BANK1: variants seen among roughly 807,000 people sequenced by gnomAD.
The protein encoded by BANK1 is B-cell scaffold protein with ankyrin repeats.
Under a neutral mutation model 94.5 loss-of-function variants are expected in BANK1, and 95 were observed. The observed-to-expected ratio is 1.00, with a 90% confidence interval of 0.85 to 1.19. The LOEUF (loss-of-function observed/expected upper bound fraction) is 1.19. Ranked by LOEUF, BANK1 falls within the 50% of genes most tolerant of loss-of-function variation. BANK1 has a pLI of 0.00. For missense variants in BANK1, 987 were observed against 932.2 expected, an observed-to-expected ratio of 1.06 and a Z score of -0.77; for synonymous variants, 334 against 308.4, an observed-to-expected ratio of 1.08 and a Z score of -0.87.
At chr4:101,884,315 G>T (rs574477927) in intron 5 of BANK1, among the ~76,000 whole-genome samples, 1 of 152,178 alleles carries the variant, frequency 6.6e-6, no homozygotes, top group Admixed American at 6.5e-5. Flanking sequence ...GTTTTCAGCA[G>T]CAATTAACAC....
intron 7 of BANK1, among the ~76,000 whole-genome samples, chr4:101,978,674 C>T (rs540215590): frequency 6.6e-6 from 1 of 151,772 alleles, no homozygotes; most frequent in Non-Finnish European, 1.5e-5. Flanking sequence ...CGTAATTTGT[C>T]ATAGTTTCTT....
intron 7 of BANK1, among the ~76,000 whole-genome samples, chr4:101,984,181 G>A (rs1418761540): frequency 6.6e-6 from 1 of 151,718 alleles, no homozygotes; most frequent in Non-Finnish European, 1.5e-5. Context: ...ACTTCCAAAA[G>A]GACATAAAAG....
At chr4:102,058,259 A>G (rs931285995) in intron 11 of BANK1, among the ~76,000 whole-genome samples, 1 of 152,098 alleles carries the variant, frequency 6.6e-6, no homozygotes, top group East Asian at 1.9e-4. Flanking sequence ...GGGTTGGTTG[A>G]TGTTTATATG....
intron 13 of BANK1, 130 bp downstream of exon 13, chr4:102,063,268 G>T (rs1728485209): frequency 6.8e-6 from 5 of 738,616 alleles, no homozygotes; most frequent in Non-Finnish European, 1.1e-5. Context: ...CCTGGAGAGG[G>T]TCTTAATCTC....
chr4:102,030,962 G>A (rs983369219), intron 10 of BANK1, among the ~76,000 whole-genome samples: 2 of 152,128 alleles, frequency 1.3e-5, no homozygotes, highest in African/African-American at 4.8e-5. Flanking sequence ...CCCAGTAATG[G>A]GATTGCTGGG....
intron 1 of BANK1, among the ~76,000 whole-genome samples, chr4:101,818,582 A>T (rs767443864): frequency 7.2e-5 from 11 of 152,140 alleles, no homozygotes; most frequent in Non-Finnish European, 8.8e-5. Context: ...GGTTTTAGTT[A>T]TCCGTGGTCA....
chr4:102,022,774 T>C (rs2631264), intron 8 of BANK1, among the ~76,000 whole-genome samples: 15,178 of 152,174 alleles, frequency 0.1, 1,071 homozygotes, highest in Admixed American at 0.2. Flanking sequence ...TATCTCCCCA[T>C]TGTACTCATA....
chr4:102,007,062 A>AT (rs778990966), intron 7 of BANK1, among the ~76,000 whole-genome samples: 1,345 of 114,586 alleles, frequency 0.012, 20 homozygotes, highest in Non-Finnish European at 0.019. Flanking sequence ...TATAAAATAT[A>AT]TAATTTTATA....
rs535315217 is a variant in BANK1, at chr4:102,044,226, C to A, written c.1969+319C>A. ...TCCCCAGAGTGTGATATTCCCCTTC[C>A]TGTGTCCATGTGATCTCATTGTTCA... On this transcript the variant is annotated intron_variant, in intron 11 of 16. Coordinates refer to ENST00000322953, the MANE Select transcript of BANK1 (RefSeq NM_017935.5). Among the ~76,000 whole-genome samples, 243 of 152,194 alleles carry A rather than the reference C, an allele frequency of 1.6e-3. 2 individuals are homozygous for A. Among genetic ancestry groups the A allele is most frequent in the African/African-American group, 5.6e-3 (234 of 41,530 alleles).
intron 7 of BANK1, among the ~76,000 whole-genome samples, chr4:101,959,342 A>T (rs756942018): frequency 6.6e-6 from 1 of 151,850 alleles, no homozygotes; most frequent in Non-Finnish European, 1.5e-5. Flanking sequence ...ATTTCACCAT[A>T]TTGGCCAGGC....
intron 11 of BANK1, among the ~76,000 whole-genome samples, chr4:102,057,331 T>A (rs1196325399): frequency 6.6e-6 from 1 of 151,328 alleles, no homozygotes; most frequent in Non-Finnish European, 1.5e-5. Context: ...TCTCTCTCTC[T>A]CTCTCTTTCT....
intron 5 of BANK1, among the ~76,000 whole-genome samples, chr4:101,877,761 T>A (rs774527547): frequency 6.6e-6 from 1 of 152,100 alleles, no homozygotes; most frequent in Non-Finnish European, 1.5e-5. Context: ...GGCGGGTGCC[T>A]GTAATCCCAG....
At chr4:102,051,469 C>T (rs895880265) in intron 11 of BANK1, among the ~76,000 whole-genome samples, 3 of 151,766 alleles carry the variant, frequency 2.0e-5, no homozygotes, top group African/African-American at 7.3e-5. Flanking sequence ...AAAGCACACA[C>T]AAAAAAGATG....
At chr4:101,907,591 A>G (rs941608909) in intron 6 of BANK1, among the ~76,000 whole-genome samples, 3 of 152,186 alleles carry the variant, frequency 2.0e-5, no homozygotes, top group African/African-American at 4.8e-5. Flanking sequence ...AGGGTATTCA[A>G]TTAGGAAAAG....
chr4:102,001,657 G>A (rs879838567), intron 7 of BANK1, among the ~76,000 whole-genome samples: 2 of 152,150 alleles, frequency 1.3e-5, no homozygotes, highest in Non-Finnish European at 2.9e-5. Context: ...TCAGAGTGAA[G>A]GGCGCAGTCA....
chr4:101,915,144 G>T (rs972811257), intron 6 of BANK1, among the ~76,000 whole-genome samples: 6 of 152,108 alleles, frequency 3.9e-5, no homozygotes, highest in African/African-American at 1.4e-4. Context: ...GTACTTATTT[G>T]CATGGAAGAA....
intron 7 of BANK1, among the ~76,000 whole-genome samples, chr4:101,950,054 TGTGTGTGCGCGTGC>T (rs1560648541): frequency 1.8e-5 from 1 of 55,868 alleles, no homozygotes; most frequent in African/African-American, 5.8e-5. Flanking sequence ...TGTGTGTGTG[TGTGTGTGCGCGTGC>T]GCGCGCATGT....
intron 6 of BANK1, among the ~76,000 whole-genome samples, chr4:101,903,161 A>C (rs1247666482): frequency 6.6e-6 from 1 of 152,210 alleles, no homozygotes; most frequent in Non-Finnish European, 1.5e-5. Context: ...ATCTGTAAAA[A>C]CATTCTCAGC....
In BANK1 at chr4:102,025,440, C is replaced by T. The variant is rs374205284; in HGVS notation, c.1525C>T (p.Pro509Ser). ...ACAAGAGCCACTCATGAGCAGCAGA[C>T]CTCCTCTCCCCCCGCCGCGACCTGT... is the stretch of plus-strand genomic sequence containing the variant. ...NSQEPLMSSRPPLPPPRPVAN... is the reference protein window; with the variant it reads ...NSQEPLMSSRSPLPPPRPVAN... Residue 509 changes from proline to serine, a missense_variant, in exon 9 of 17, where the codon CCT becomes TCT. Pro to Ser is a moderately conservative substitution (Grantham distance 74, BLOSUM62 -1). Coordinates refer to ENST00000322953, the MANE Select transcript of BANK1 (RefSeq NM_017935.5). The T allele has an allele frequency of 8.1e-5, 131 of 1,614,020 alleles. No homozygotes were observed. The highest frequency in any genetic ancestry group is 6.2e-4 in the Admixed American group (37 of 60,018).
Sources: gnomAD v4.1 joint callset for allele counts (sites outside exome capture counted in the v4.1 genomes callset) on GRCh38, gnomAD v4.1.1 for gene constraint, MANE v1.5 for transcripts, NCBI Gene and HGNC (gene_info 2026-07-23, HGNC 2026-07-21) for gene names.